The following SOX6 variants were observed in gnomAD, a reference collection of about 807,000 sequenced individuals.
SOX6 encodes the protein SRY-box transcription factor 6.
SOX6 carries 11 observed loss-of-function variants against 97.8 expected under a neutral mutation model. The observed-to-expected ratio is 0.11, with a 90% CI of 0.07 to 0.19. SOX6 has a LOEUF of 0.19. SOX6 is among the 10% of genes least tolerant of loss of function. The pLI is 1.00. For missense variants in SOX6, 810 were observed against 1,039.5 expected (o/e 0.78, Z 3.04); for synonymous variants, 360 against 371.4 (o/e 0.97, Z 0.35).
At chr11:16,055,225 TTTTA>T (rs531538189) in intron 10 of SOX6, among the ~76,000 whole-genome samples, 5 of 152,276 alleles carry the variant, frequency 3.3e-5, no homozygotes, top group South Asian at 2.1e-4. Context: ...CTTTATTTTA[TTTTA>T]TTTATTTATT....
At chr11:16,454,620 G>T (rs966730469) in intron 1 of SOX6, among the ~76,000 whole-genome samples, 5 of 152,040 alleles carry the variant, frequency 3.3e-5, no homozygotes, top group African/African-American at 1.2e-4. Flanking sequence ...GTCAAAAGGC[G>T]AGTTGGACTT....
chr11:16,480,411 C>T (rs1280734391), upstream of SOX6, among the ~76,000 whole-genome samples: 2 of 151,930 alleles, frequency 1.3e-5, no homozygotes, highest in Non-Finnish European at 2.9e-5. Flanking sequence ...TTAAAAAACC[C>T]TCAAAATTAC....
At chr11:16,020,006 T>C (rs955330530) in intron 12 of SOX6, among the ~76,000 whole-genome samples, 4 of 152,188 alleles carry the variant, frequency 2.6e-5, no homozygotes, top group Non-Finnish European at 5.9e-5. Context: ...TCAATTTTTA[T>C]GAAAGTTTGA....
intron 6 of SOX6, among the ~76,000 whole-genome samples, chr11:16,121,725 T>C (rs1481781240): frequency 6.6e-6 from 1 of 152,040 alleles, no homozygotes; most frequent in East Asian, 1.9e-4. Context: ...GATTTCTTTA[T>C]AAAATGGATG....
intron 3 of SOX6, among the ~76,000 whole-genome samples, chr11:16,240,458 C>A (rs902793361): frequency 2.6e-5 from 4 of 152,018 alleles, no homozygotes; most frequent in African/African-American, 7.2e-5. Flanking sequence ...AATATTCTCT[C>A]TATACACAAT....
At chr11:16,588,217 C>G (rs896084193) in intron 4 of SOX6, among the ~76,000 whole-genome samples, 3 of 152,130 alleles carry the variant, frequency 2.0e-5, no homozygotes, top group African/African-American at 7.2e-5. Context: ...AGGGGAAGCA[C>G]AGAACACTAT....
At chr11:16,490,218 T>A (rs1214976275) in intron 4 of SOX6, among the ~76,000 whole-genome samples, 3 of 152,176 alleles carry the variant, frequency 2.0e-5, no homozygotes, top group African/African-American at 7.2e-5. Flanking sequence ...CATATATAAG[T>A]GGGCATAGCT....
intron 3 of SOX6, among the ~76,000 whole-genome samples, chr11:16,696,554 T>C (rs1848055328): frequency 6.6e-6 from 1 of 152,224 alleles, no homozygotes; most frequent in Non-Finnish European, 1.5e-5. Context: ...TTGCTTTTTG[T>C]TTCTGAATGC....
intron 3 of SOX6, among the ~76,000 whole-genome samples, chr11:16,265,215 A>C (rs1854042887): frequency 6.6e-6 from 1 of 151,888 alleles, no homozygotes; most frequent in Non-Finnish European, 1.5e-5. Flanking sequence ...AAAACTCATG[A>C]AGCCAGAAAA....
chr11:15,988,885 C>A (rs1053044247), intron 14 of SOX6, 112 bp downstream of exon 14: 5 of 1,092,056 alleles, frequency 4.6e-6, no homozygotes, highest in South Asian at 1.4e-5. Context: ...GTCTAACTTG[C>A]GCCCGCCACA....
chr11:16,398,362 A>ATG (rs1291201902), intron 1 of SOX6, among the ~76,000 whole-genome samples: 2 of 151,436 alleles, frequency 1.3e-5, no homozygotes, highest in Non-Finnish European at 3.0e-5. Flanking sequence ...CTAAAACCAT[A>ATG]ACCATTCCCT....
intron 1 of SOX6, among the ~76,000 whole-genome samples, chr11:16,425,730 A>T (rs1273963938): frequency 2.0e-5 from 3 of 152,202 alleles, no homozygotes. Flanking sequence ...TGCCACAAAA[A>T]CAATAGAACA....
chr11:16,254,609 TAAAA>T, intron 3 of SOX6, among the ~76,000 whole-genome samples: 1 of 151,838 alleles, frequency 6.6e-6, no homozygotes, highest in Non-Finnish European at 1.5e-5. Flanking sequence ...GCCAACCACT[TAAAA>T]GAAGTATAAC....
In SOX6 at chr11:16,365,717, T is replaced by C. The variant is rs1386659787; in HGVS notation, c.-4-24465A>G. Among the ~76,000 whole-genome samples, 3 of 152,264 alleles carry C rather than the reference T, an allele frequency of 2.0e-5. No homozygotes were observed. In the East Asian group the frequency reaches 5.8e-4, roughly 29 times the overall value. ...AATGCCAAATGTATAGAAATTTCAG[T>C]CACCAGATTAGATGCTCGTCTTAAC... On this transcript the variant is annotated intron_variant, in intron 1 of 15. Coordinates refer to the SOX6 transcript ENST00000396356.
At chr11:16,615,974 C>T (rs935487995) in intron 3 of SOX6, among the ~76,000 whole-genome samples, 1 of 152,040 alleles carries the variant, frequency 6.6e-6, no homozygotes, top group Admixed American at 6.5e-5. Context: ...ATAATAACCA[C>T]AGAAATAAAC....
intron 1 of SOX6, among the ~76,000 whole-genome samples, chr11:16,440,998 C>T (rs2133085638): frequency 6.6e-6 from 1 of 152,188 alleles, no homozygotes; most frequent in South Asian, 2.1e-4. Context: ...GGTTCAGCCA[C>T]CCTAAAAGCA....
At chr11:16,114,181 A>T (rs546916984) in intron 6 of SOX6, among the ~76,000 whole-genome samples, 2 of 152,334 alleles carry the variant, frequency 1.3e-5, no homozygotes, top group Admixed American at 1.3e-4. Flanking sequence ...AAAAGTCAAC[A>T]TTAATACGAT....
chr11:16,616,230 A>G (rs1008861712), intron 3 of SOX6, among the ~76,000 whole-genome samples: 1 of 152,144 alleles, frequency 6.6e-6, no homozygotes, highest in South Asian at 2.1e-4. Context: ...CCTTTCCAAT[A>G]CCTAATAAAA....
At position 15,986,197 on chromosome 11, in the gene SOX6, T is replaced by C. The variant is rs146661971; in HGVS notation, c.2183+7A>G. ...AAGCCCAGGTGGCTAAATTCAGGAATACTTACCCCACAGTAAAGAACTGCC... is the reference window on the plus strand; with the variant it reads ...AAGCCCAGGTGGCTAAATTCAGGAACACTTACCCCACAGTAAAGAACTGCC... On this transcript the variant is annotated splice_region_variant and intron_variant, in intron 15 of 15. Coordinates refer to ENST00000683767, the MANE Select transcript of SOX6 (RefSeq NM_001367873.1). 0.015 allele frequency: 24,946 copies of C among 1,613,764 alleles called. 230 individuals are homozygous for C. Among genetic ancestry groups the C allele is most frequent in the Non-Finnish European group, 0.019 (22,185 of 1,179,670 alleles).
Sources: allele counts gnomAD v4.1 joint callset (sites outside exome capture counted in the v4.1 genomes callset), GRCh38; gene constraint gnomAD v4.1.1; transcripts MANE v1.5; gene names NCBI Gene and HGNC (gene_info 2026-07-23, HGNC 2026-07-21).